KCNB2: variants seen among roughly 807,000 people sequenced by gnomAD.
The protein encoded by KCNB2 is potassium voltage-gated channel subfamily B member 2, also known as delayed rectifier potassium channel protein.
A neutral mutation model predicts 61.5 loss-of-function variants in KCNB2; 15 were observed. That is an observed-to-expected ratio of 0.24 (90% CI 0.16 to 0.38). The LOEUF (loss-of-function observed/expected upper bound fraction) is 0.38, where lower values mean the gene tolerates loss of function less well. Among genes scored for constraint, KCNB2 ranks in the 10% least tolerant of loss-of-function variants. KCNB2 has a pLI of 1.00. For missense variants in KCNB2, 828 were observed against 1,125.2 expected, an observed-to-expected ratio of 0.74 and a Z score of 3.78; for synonymous variants, 457 against 446.0, an observed-to-expected ratio of 1.02 and a Z score of -0.31.
At chr8:72,767,186 C>T (rs1808473157) in intron 2 of KCNB2, among the ~76,000 whole-genome samples, 1 of 152,192 alleles carries the variant, frequency 6.6e-6, no homozygotes, top group Non-Finnish European at 1.5e-5. Context: ...CAAACCATAT[C>T]ACATGGTATA....
chr8:72,639,790 G>A (rs1157742943), intron 2 of KCNB2, among the ~76,000 whole-genome samples: 1 of 151,950 alleles, frequency 6.6e-6, no homozygotes, highest in Admixed American at 6.6e-5. Flanking sequence ...GCATGACATC[G>A]GTCTATTTTT....
At chr8:72,650,238 A>G (rs2128986366) in intron 2 of KCNB2, among the ~76,000 whole-genome samples, 1 of 152,258 alleles carries the variant, frequency 6.6e-6, no homozygotes, top group Admixed American at 6.5e-5. Flanking sequence ...TTACAAGTCC[A>G]TTTAACTAAT....
At chr8:72,897,289 A>G (rs1247552608) in intron 2 of KCNB2, among the ~76,000 whole-genome samples, 1 of 152,150 alleles carries the variant, frequency 6.6e-6, no homozygotes, top group Non-Finnish European at 1.5e-5. Flanking sequence ...AAATTATCTA[A>G]TTTACCTGTT....
intron 2 of KCNB2, among the ~76,000 whole-genome samples, chr8:72,804,598 C>T (rs937598739): frequency 6.6e-6 from 1 of 152,174 alleles, no homozygotes; most frequent in Non-Finnish European, 1.5e-5. Flanking sequence ...CATACCACCC[C>T]AACTCCCCTG....
chr8:72,890,669 A>G (rs1302663094), intron 2 of KCNB2, among the ~76,000 whole-genome samples: 5 of 152,230 alleles, frequency 3.3e-5, no homozygotes, highest in Non-Finnish European at 7.3e-5. Context: ...AATCCCCACT[A>G]TAACCCCGTT....
chr8:72,606,898 A>G (rs1234612310), intron 2 of KCNB2, among the ~76,000 whole-genome samples: 9 of 152,172 alleles, frequency 5.9e-5, no homozygotes, highest in African/African-American at 1.7e-4. Flanking sequence ...TGCCTCTCCT[A>G]TGGGCTGGAG....
chr8:72,606,665 GA>G (rs1309182702), intron 2 of KCNB2, among the ~76,000 whole-genome samples: 1 of 152,142 alleles, frequency 6.6e-6, no homozygotes, highest in African/African-American at 2.4e-5. Flanking sequence ...TGATTTACAT[GA>G]AGGTCTGATA....
At chr8:72,711,760 TGGGCGGCATTTGA>T (rs1807330674) in intron 2 of KCNB2, among the ~76,000 whole-genome samples, 1 of 68,808 alleles carries the variant, frequency 1.5e-5, no homozygotes. Context: ...GAGGCCAAGG[TGGGCGGCATTTGA>T]GGTCAGGAGT....
In KCNB2 at chr8:72,778,787, G is replaced by GAAAAGA. The variant is rs1164684481; in HGVS notation, c.580-157133_580-157128dup. On this transcript the variant is annotated intron_variant, in intron 2 of 2. Coordinates refer to ENST00000523207, the MANE Select transcript of KCNB2 (RefSeq NM_004770.3). ...AAGAAAGAAAGAAAGAAAAAGAAAA[G>GAAAAGA]AAAAGAAAAAGAAAAAGAAAGAATT... Among the ~76,000 whole-genome samples the GAAAAGA allele has an allele frequency of 1.6e-3, 109 of 67,042 alleles. 2 individuals carry two copies. The highest frequency in any genetic ancestry group is 5.5e-3 in the African/African-American group (97 of 17,528). 44.0% of individuals were successfully genotyped at this position (67,042 alleles called of 152,430 possible). A position where few individuals can be genotyped will look rare whatever the true frequency, so the allele number is the denominator to read the frequency against.
At chr8:72,542,413 C>T (rs1158050731) in intron 1 of KCNB2, among the ~76,000 whole-genome samples, 1 of 151,972 alleles carries the variant, frequency 6.6e-6, no homozygotes, top group Non-Finnish European at 1.5e-5. Flanking sequence ...GTAAACATTT[C>T]CTTATAAAAA....
intron 2 of KCNB2, among the ~76,000 whole-genome samples, chr8:72,819,824 C>A (rs914898435): frequency 2.6e-5 from 4 of 152,088 alleles, no homozygotes; most frequent in Non-Finnish European, 5.9e-5. Context: ...TCTATGTATT[C>A]CACTATCTGA....
chr8:72,655,371 A>G (rs542122609), intron 2 of KCNB2, among the ~76,000 whole-genome samples: 2 of 152,198 alleles, frequency 1.3e-5, no homozygotes, highest in East Asian at 3.9e-4. Context: ...GGGAGATGAA[A>G]TAACCTGTAC....
intron 2 of KCNB2, among the ~76,000 whole-genome samples, chr8:72,700,570 A>G (rs1807103478): frequency 6.6e-6 from 1 of 152,194 alleles, no homozygotes; most frequent in African/African-American, 2.4e-5. Flanking sequence ...GTTATTGGTC[A>G]AAAGTCAAAA....
chr8:72,742,254 T>A (rs1807972472), intron 2 of KCNB2, among the ~76,000 whole-genome samples: 1 of 152,250 alleles, frequency 6.6e-6, no homozygotes, highest in Admixed American at 6.5e-5. Context: ...ATTCTTTCCA[T>A]CTGAGTAGAA....
At chr8:72,718,868 T>G (rs1010309740) in intron 2 of KCNB2, among the ~76,000 whole-genome samples, 2 of 152,168 alleles carry the variant, frequency 1.3e-5, no homozygotes, top group Non-Finnish European at 2.9e-5. Context: ...CCTCCCCTCT[T>G]TCTTCTGAAT....
intron 1 of KCNB2, among the ~76,000 whole-genome samples, chr8:72,556,329 ATTG>A (rs1806425969): frequency 6.6e-6 from 1 of 152,108 alleles, no homozygotes; most frequent in Non-Finnish European, 1.5e-5. Context: ...ATTATTTATT[ATTG>A]TTGTAGCTTC....
chr8:72,899,512 A>C (rs534320464), intron 2 of KCNB2, among the ~76,000 whole-genome samples: 264 of 152,338 alleles, frequency 1.7e-3, no homozygotes, highest in African/African-American at 5.9e-3. Context: ...CAAAACTGAT[A>C]AATGACTTTA....
intron 1 of KCNB2, among the ~76,000 whole-genome samples, chr8:72,545,702 T>G (rs139584725): frequency 6.6e-6 from 1 of 152,122 alleles, no homozygotes. Flanking sequence ...TGTCTGTCAC[T>G]TTAAATCAAA....
chr8:72,663,779 T>C (rs901253948), intron 2 of KCNB2, among the ~76,000 whole-genome samples: 1 of 152,210 alleles, frequency 6.6e-6, no homozygotes, highest in Non-Finnish European at 1.5e-5. Context: ...TCAAAAAGGA[T>C]GGTATTTACA....
Sources: allele counts gnomAD v4.1 joint callset (sites outside exome capture counted in the v4.1 genomes callset), GRCh38; gene constraint gnomAD v4.1.1; transcripts MANE v1.5; gene names NCBI Gene and HGNC (gene_info 2026-07-23, HGNC 2026-07-21).